TNNI3K: variants seen among roughly 807,000 people sequenced by gnomAD.
TNNI3K encodes the protein TNNI3 interacting kinase, also known as serine/threonine-protein kinase TNNI3K.
In TNNI3K, 140 loss-of-function variants were observed where a neutral mutation model predicts 114.5. The ratio of observed to expected loss-of-function variants is 1.22; its 90% CI spans 1.07 to 1.41. The LOEUF (loss-of-function observed/expected upper bound fraction) is 1.41. TNNI3K is among the 40% of genes most tolerant of loss of function. The probability of loss-of-function intolerance (pLI) is 0.00; values close to 1 mark genes in which losing one functional copy is unlikely to be tolerated. For missense variants in TNNI3K, 1,125 were observed against 1,007.6 expected, an observed-to-expected ratio of 1.12 and a Z score of -1.58; for synonymous variants, 347 against 347.5, an observed-to-expected ratio of 1.00 and a Z score of 0.02.
Position 74,389,064 on chromosome 1 carries a change from C to T in TNNI3K, c.1772+18672C>T, listed in dbSNP as rs1197795073. Among the ~76,000 whole-genome samples, 10 of 152,160 alleles carry T rather than the reference C, an allele frequency of 6.6e-5. No individual in the cohort carries two copies. In the South Asian group the frequency reaches 1.9e-3, roughly 28 times the overall value. ...CCCCGACCTCAGTATCAGCTAACTG[C>T]AAGGGAACAGACCACAGATACAAGA... On this transcript the variant is annotated intron_variant, in intron 17 of 24. Coordinates refer to ENST00000326637, the MANE Select transcript of TNNI3K (RefSeq NM_015978.3).
intron 5 of TNNI3K, among the ~76,000 whole-genome samples, chr1:74,299,945 TG>T (rs1328283818): frequency 2.0e-5 from 3 of 152,198 alleles, no homozygotes; most frequent in Non-Finnish European, 4.4e-5. Context: ...ATGTACTAAA[TG>T]GCATATTCAT....
chr1:74,510,408 T>C (rs1308515846), intron 23 of TNNI3K, among the ~76,000 whole-genome samples: 3 of 152,054 alleles, frequency 2.0e-5, no homozygotes, highest in Non-Finnish European at 4.4e-5. Context: ...CTCAGGAGGC[T>C]GAGGCAGGAG....
At chr1:74,512,006 G>A (rs552150535) in intron 23 of TNNI3K, among the ~76,000 whole-genome samples, 41 of 152,134 alleles carry the variant, frequency 2.7e-4, no homozygotes, top group East Asian at 5.8e-4. Context: ...AAGGAAAATC[G>A]GAAGGAAGAG....
intron 23 of TNNI3K, among the ~76,000 whole-genome samples, chr1:74,496,901 A>G (rs1669355117): frequency 6.6e-6 from 1 of 152,174 alleles, no homozygotes; most frequent in African/African-American, 2.4e-5. Context: ...AACCTTTCAG[A>G]TGTGAAAACC....
At chr1:74,246,023 T>G (rs1369545572) in intron 2 of TNNI3K, among the ~76,000 whole-genome samples, 1 of 152,210 alleles carries the variant, frequency 6.6e-6, no homozygotes, top group Admixed American at 6.5e-5. Flanking sequence ...ATGAAGATAG[T>G]TAAGAATTTA....
chr1:74,480,802 G>T, intron 21 of TNNI3K: 1 of 717,560 alleles, frequency 1.4e-6, no homozygotes, highest in Non-Finnish European at 2.6e-6. Flanking sequence ...CCAGCAACAA[G>T]GTCCGCAACA....
intron 19 of TNNI3K, among the ~76,000 whole-genome samples, chr1:74,438,725 A>T (rs903169129): frequency 1.3e-5 from 2 of 152,084 alleles, no homozygotes; most frequent in African/African-American, 2.4e-5. Context: ...ATGGAAACTA[A>T]TTTTTTTAAC....
At chr1:74,312,731 G>T (rs1659064741) in intron 5 of TNNI3K, among the ~76,000 whole-genome samples, 1 of 152,084 alleles carries the variant, frequency 6.6e-6, no homozygotes, top group African/African-American at 2.4e-5. Context: ...CACCTTGCTG[G>T]GATGGTTAGG....
rs903114672 is a variant in TNNI3K, at chr1:74,448,497, A to T, written c.2011+8875A>T. Among the ~76,000 whole-genome samples the T allele has an allele frequency of 1.8e-4, 26 of 145,752 alleles. 1 individual carries two copies. The highest frequency in any genetic ancestry group is 6.9e-4 in the African/African-American group (26 of 37,424). ...TGCCCTGGCCAGAACTTCCAACACTATGTTGAATAGGAGTGGTGAGAGAGG... is the reference window on the plus strand; with the variant it reads ...TGCCCTGGCCAGAACTTCCAACACTTTGTTGAATAGGAGTGGTGAGAGAGG... On this transcript the variant is annotated intron_variant, in intron 20 of 24. Coordinates refer to ENST00000326637, the MANE Select transcript of TNNI3K (RefSeq NM_015978.3).
intron 17 of TNNI3K, chr1:74,416,537 A>G: frequency 1.0e-6 from 1 of 985,384 alleles, no homozygotes; most frequent in Non-Finnish European, 1.2e-6. Context: ...AGTCAAATCC[A>G]AGAACCAAAT....
chr1:74,360,464 T>C (rs1023676083), intron 11 of TNNI3K, among the ~76,000 whole-genome samples: 10 of 152,100 alleles, frequency 6.6e-5, no homozygotes, highest in African/African-American at 2.4e-4. Context: ...GTTCACTCTT[T>C]GCCATGCTTG....
At chr1:74,540,598 TC>T (rs1374993992) in intron 24 of TNNI3K, among the ~76,000 whole-genome samples, 6 of 30,444 alleles carry the variant, frequency 2.0e-4, no homozygotes, top group Non-Finnish European at 6.3e-4. Context: ...AAAGTACAAC[TC>T]TTTTTTTAAA....
chr1:74,435,960 C>A, intron 17 of TNNI3K, 120 bp from the exon 18 acceptor site: 1 of 1,291,950 alleles, frequency 7.7e-7, no homozygotes. Context: ...CCCTTTGGGG[C>A]CCATTTATTC....
chr1:74,533,310 A>T (rs1414094353), intron 23 of TNNI3K, among the ~76,000 whole-genome samples: 14 of 152,226 alleles, frequency 9.2e-5, no homozygotes, highest in Non-Finnish European at 1.5e-5. Flanking sequence ...CACATGAAAA[A>T]ATGCTCACCA....
At chr1:74,295,440 G>A (rs935973944) in intron 5 of TNNI3K, among the ~76,000 whole-genome samples, 3 of 152,028 alleles carry the variant, frequency 2.0e-5, no homozygotes, top group Non-Finnish European at 4.4e-5. Context: ...GTTAATAAAA[G>A]AGTTGCTTTA....
intron 19 of TNNI3K, chr1:74,438,957 G>A (rs1666256913): frequency 6.6e-6 from 1 of 152,058 alleles, no homozygotes; most frequent in Admixed American, 6.6e-5. Flanking sequence ...CTCCTCGGGA[G>A]CCATTTCTCT....
At chr1:74,446,074 C>G (rs1211302284) in intron 20 of TNNI3K, among the ~76,000 whole-genome samples, 1 of 151,900 alleles carries the variant, frequency 6.6e-6, no homozygotes. Context: ...ATGGCTGGGT[C>G]AAATGGTATT....
At chr1:74,406,223 AC>A (rs1664606421) in intron 17 of TNNI3K, among the ~76,000 whole-genome samples, 1 of 152,120 alleles carries the variant, frequency 6.6e-6, no homozygotes, top group Admixed American at 6.5e-5. Context: ...AAGCTTGTCC[AC>A]CCCACAGCCC....
chr1:74,386,249 A>C (rs904922233), intron 17 of TNNI3K, among the ~76,000 whole-genome samples: 1 of 152,162 alleles, frequency 6.6e-6, no homozygotes, highest in African/African-American at 2.4e-5. Context: ...GTGAGAACAA[A>C]CTAATACATC....
Sources: allele counts gnomAD v4.1 joint callset (sites outside exome capture counted in the v4.1 genomes callset), GRCh38; gene constraint gnomAD v4.1.1; transcripts MANE v1.5; gene names NCBI Gene and HGNC (gene_info 2026-07-23, HGNC 2026-07-21).